GPHN: variants seen among roughly 807,000 people sequenced by gnomAD.
The protein encoded by GPHN is gephyrin.
A neutral mutation model predicts 95.5 loss-of-function variants in GPHN; 17 were observed. That is an observed-to-expected ratio of 0.18 (90% confidence interval 0.12 to 0.27). The LOEUF is 0.27. Ranked by LOEUF, GPHN falls within the 10% of genes least tolerant of loss-of-function variation. The probability of loss-of-function intolerance (pLI) is 1.00; values close to 1 mark genes in which losing one functional copy is unlikely to be tolerated. For missense variants in GPHN, 660 were observed against 978.1 expected, an observed-to-expected ratio of 0.67 and a Z score of 4.34; for synonymous variants, 320 against 322.5, an observed-to-expected ratio of 0.99 and a Z score of 0.08.
intron 1 of GPHN, among the ~76,000 whole-genome samples, chr14:66,581,444 G>C: frequency 6.6e-6 from 1 of 151,766 alleles, no homozygotes; most frequent in East Asian, 1.9e-4. Context: ...CATAGCACTA[G>C]AGAAAATCCT....
the GPHN span, chr14:67,392,838 C>G: frequency 1.9e-6 from 3 of 1,610,442 alleles, no homozygotes; most frequent in African/African-American, 4.0e-5. Context: ...AGCCAGTCCA[C>G]CAGGGAGGAG....
the GPHN span, chr14:67,338,490 C>T: frequency 1.0e-6 from 1 of 963,020 alleles, no homozygotes; most frequent in Non-Finnish European, 1.5e-6. Context: ...CATAAATAGA[C>T]ATCTAGGTAA....
the GPHN span, among the ~76,000 whole-genome samples, chr14:67,362,023 T>C: frequency 6.6e-6 from 1 of 151,430 alleles, no homozygotes; most frequent in Non-Finnish European, 1.5e-5. Flanking sequence ...TTTTTCTTTT[T>C]TCTTTTTTCT....
At chr14:66,588,075 G>A (rs747006349) in intron 1 of GPHN, among the ~76,000 whole-genome samples, 8 of 152,148 alleles carry the variant, frequency 5.3e-5, no homozygotes, top group African/African-American at 1.7e-4. Context: ...TGCAGCCTCC[G>A]CTGGTGATAC....
intron 10 of GPHN, among the ~76,000 whole-genome samples, chr14:67,032,793 G>T (rs941049849): frequency 6.6e-6 from 1 of 152,054 alleles, no homozygotes; most frequent in African/African-American, 2.4e-5. Flanking sequence ...CCTATATAAG[G>T]CCAGTCTGTA....
At chr14:67,650,690 G>A in the GPHN span, 1 of 1,611,086 alleles carries the variant, frequency 6.2e-7, no homozygotes. Flanking sequence ...GGAACCTGAG[G>A]TTTTGTCACA....
At chr14:67,144,266 T>TATATATACATAC (rs1206415218) in intron 18 of GPHN, among the ~76,000 whole-genome samples, 2 of 102,346 alleles carry the variant, frequency 2.0e-5, no homozygotes, top group African/African-American at 4.4e-5. Context: ...TATATATATA[T>TATATATACATAC]ATATATATAT....
intron 21 of GPHN, among the ~76,000 whole-genome samples, chr14:67,170,379 A>T (rs534666985): frequency 1.3e-5 from 2 of 152,308 alleles, no homozygotes; most frequent in South Asian, 4.1e-4. Flanking sequence ...TAAAGCTTAG[A>T]TTTAGACAGT....
At chr14:66,959,496 T>C (rs2153583720) in intron 8 of GPHN, among the ~76,000 whole-genome samples, 1 of 152,248 alleles carries the variant, frequency 6.6e-6, no homozygotes, top group South Asian at 2.1e-4. Context: ...TCTGGGAATA[T>C]TGTAATTTTT....
rs555166508 is a variant in GPHN, at chr14:66,559,235, G to A, written c.64+50644G>A. Reference sequence around the variant, plus strand: ...TGTCTTTATAGCAGCATGATTTATAGTCCTTTGGGTATATACCCAGTAATG... The same window carrying A: ...TGTCTTTATAGCAGCATGATTTATAATCCTTTGGGTATATACCCAGTAATG... On this transcript the variant is annotated intron_variant, in intron 1 of 22. Coordinates refer to ENST00000478722, the MANE Select transcript of GPHN (RefSeq NM_020806.5). Among the ~76,000 whole-genome samples the A allele has an allele frequency of 4.6e-5, 7 of 151,920 alleles. 1 individual carries two copies. The highest frequency in any genetic ancestry group is 1.9e-4 in the East Asian group (1 of 5,162).
At chr14:66,522,301 A>T (rs2058516026) in intron 1 of GPHN, among the ~76,000 whole-genome samples, 1 of 152,164 alleles carries the variant, frequency 6.6e-6, no homozygotes, top group South Asian at 2.1e-4. Flanking sequence ...TATGGGTCTT[A>T]GTCTTTTTTT....
intron 1 of GPHN, among the ~76,000 whole-genome samples, chr14:66,515,673 T>G (rs1202414628): frequency 6.6e-6 from 1 of 152,208 alleles, no homozygotes; most frequent in Non-Finnish European, 1.5e-5. Flanking sequence ...TAAGCACATT[T>G]TACCACAGTT....
rs1189282422 is a variant in GPHN, at chr14:67,013,158, G to A, written c.964-10475G>A. On this transcript the variant is annotated intron_variant, in intron 9 of 22. Transcript: ENST00000478722. ...ACTCTTTTTTATTATTATTATTATTGTTAATTTCTTTTTTCCACATATTTG... is the reference window on the plus strand; with the variant it reads ...ACTCTTTTTTATTATTATTATTATTATTAATTTCTTTTTTCCACATATTTG... 4.6e-5 allele frequency among the ~76,000 whole-genome samples: 7 copies of A among 151,586 alleles called. 1 individual carries two copies. Among genetic ancestry groups the A allele is most frequent in the Admixed American group, 2.0e-4 (3 of 15,218 alleles).
intron 4 of GPHN, among the ~76,000 whole-genome samples, chr14:66,866,597 A>G (rs893713459): frequency 1.3e-5 from 2 of 152,182 alleles, no homozygotes; most frequent in Non-Finnish European, 2.9e-5. Flanking sequence ...GTTCACTGCT[A>G]TGTACTTGAG....
chr14:66,717,831 G>A (rs914529591), intron 2 of GPHN, among the ~76,000 whole-genome samples: 3 of 152,208 alleles, frequency 2.0e-5, no homozygotes, highest in Non-Finnish European at 4.4e-5. Flanking sequence ...ACTAGGGGTT[G>A]TCTGCACAGA....
chr14:67,321,398 T>G, the GPHN span: 6 of 759,486 alleles, frequency 7.9e-6, no homozygotes, highest in Non-Finnish European at 1.3e-5. Flanking sequence ...ATTTGCTATC[T>G]GAAATCACAC....
chr14:67,130,267 C>T (rs1440321813), intron 17 of GPHN, among the ~76,000 whole-genome samples: 1 of 152,100 alleles, frequency 6.6e-6, no homozygotes, highest in Non-Finnish European at 1.5e-5. Flanking sequence ...TTACCCCTCT[C>T]CCTCCTTCCC....
chr14:67,407,280 C>A, the GPHN span, among the ~76,000 whole-genome samples: 1 of 151,894 alleles, frequency 6.6e-6, no homozygotes, highest in Non-Finnish European at 1.5e-5. Context: ...CATCACCACA[C>A]CTGGCTAATT....
chr14:66,667,573 A>G (rs1175447243), intron 1 of GPHN, among the ~76,000 whole-genome samples: 1 of 152,222 alleles, frequency 6.6e-6, no homozygotes, highest in African/African-American at 2.4e-5. Context: ...TATTCAATAA[A>G]TGGTGCTGGG....
Sources: allele counts gnomAD v4.1 joint callset (sites outside exome capture counted in the v4.1 genomes callset), GRCh38; gene constraint gnomAD v4.1.1; transcripts MANE v1.5; gene names NCBI Gene and HGNC (gene_info 2026-07-23, HGNC 2026-07-21).